The following GNA15 variants were observed in gnomAD, a reference collection of about 807,000 sequenced individuals.
GNA15 encodes the protein G protein subunit alpha 15.
A neutral mutation model predicts 40.1 loss-of-function variants in GNA15; 23 were observed. The ratio of observed to expected loss-of-function variants is 0.57; its 90% confidence interval spans 0.41 to 0.81. GNA15 has a LOEUF of 0.81. Ranked by LOEUF, GNA15 falls within the 40% of genes least tolerant of loss-of-function variation. The pLI is 0.00. For missense variants in GNA15, 522 were observed against 515.8 expected, an observed-to-expected ratio of 1.01 and a Z score of -0.12; for synonymous variants, 226 against 210.4, an observed-to-expected ratio of 1.07 and a Z score of -0.64.
chr19:3,162,742 C>A, intron 6 of GNA15, 51 bp from the exon 7 acceptor site: 4 of 1,297,430 alleles, frequency 3.1e-6, no homozygotes, highest in Non-Finnish European at 3.3e-6. Context: ...CAGAGGCCCC[C>A]TGGGTCCAAA....
chr19:3,151,291 G>A lies in GNA15; in HGVS notation c.486-416G>A, dbSNP rs1914876480. Among the ~76,000 whole-genome samples, 1 of 152,012 alleles carries A rather than the reference G, an allele frequency of 6.6e-6. No individual in the cohort carries two copies. Among genetic ancestry groups the A allele is most frequent in the African/African-American group, 2.4e-5 (1 of 41,372 alleles). On this transcript the variant is annotated intron_variant, in intron 3 of 6. Transcript: ENST00000262958. The surrounding 1 kb of genome is among the most constrained non-coding windows in gnomAD (Gnocchi z 5.0). ...TGTTTTAGGGGGGACTCTGTTCCAG[G>A]GGAGACCCTGTTCTGGGGGTGACCC...
chr19:3,138,797 A>C (rs868273677), intron 1 of GNA15, among the ~76,000 whole-genome samples: 5 of 141,004 alleles, frequency 3.5e-5, no homozygotes, highest in African/African-American at 1.3e-4. Flanking sequence ...CGCCCAGTTA[A>C]TTTTTTTTTT....
At chr19:3,152,480 C>A (rs1434117895) in intron 4 of GNA15, among the ~76,000 whole-genome samples, 1 of 151,956 alleles carries the variant, frequency 6.6e-6, no homozygotes, top group African/African-American at 2.4e-5. Flanking sequence ...GTGATGGAGT[C>A]CTTTGGGACA....
rs539106257 is a variant in GNA15, at chr19:3,162,732, C to T, written c.899-61C>T. ...TGCTGGTTACAGGGAAGAGGGTCTC[C>T]AGAGGCCCCCTGGGTCCAAAGAGGG... On this transcript the variant is annotated intron_variant, in intron 6 of 6. Coordinates refer to ENST00000262958, the MANE Select transcript of GNA15 (RefSeq NM_002068.4). 119 of 1,140,704 alleles carry T rather than the reference C, an allele frequency of 1.0e-4. 2 individuals carry two copies. In the South Asian group the frequency reaches 1.4e-3, roughly 14 times the overall value. The allele number at this position is 1,140,704 out of a possible 1,614,324, so 70.7% of individuals were successfully genotyped here. A position where few individuals can be genotyped will look rare whatever the true frequency, so the allele number is the denominator to read the frequency against.
rs1004481990 is a variant in GNA15 at position 3,163,116 on chromosome 19, C to T, written c.*97C>T. ...TGTCCCTGGTCTATCTCTCCAGCCT[C>T]GGCCCACACGCAAGGGAGTCGGGGG... On this transcript the variant is annotated 3_prime_UTR_variant, in exon 7 of 7. Transcript: ENST00000262958. 6.1e-5 allele frequency: 47 copies of T among 766,836 alleles called. No homozygotes were observed. In the Admixed American group the frequency reaches 9.8e-4, roughly 16 times the overall value. The allele number at this position is 766,836 out of a possible 1,614,324, so 47.5% of individuals were successfully genotyped here.
chr19:3,144,158 C>CGTGGTGAGGCTCAGGACAG (rs1445823827), intron 1 of GNA15, among the ~76,000 whole-genome samples: 7 of 151,224 alleles, frequency 4.6e-5, no homozygotes, highest in African/African-American at 1.7e-4. Flanking sequence ...GTCCCCCTCT[C>CGTGGTGAGGCTCAGGACAG]GTGGTGAGGC....
intron 6 of GNA15, among the ~76,000 whole-genome samples, chr19:3,158,211 G>A (rs183883720): frequency 3.9e-5 from 6 of 152,218 alleles, no homozygotes; most frequent in Non-Finnish European, 7.4e-5. Flanking sequence ...GTGCAGTGGC[G>A]TGATCTCGGC....
At position 3,151,998 on chromosome 19, in the gene GNA15, C is replaced by G. The variant is rs1302361986; in HGVS notation, c.614+163C>G. On this transcript the variant is annotated intron_variant, in intron 4 of 6. Coordinates refer to ENST00000262958, the MANE Select transcript of GNA15 (RefSeq NM_002068.4). The surrounding 1 kb of genome is among the most constrained non-coding windows in gnomAD (Gnocchi z 5.0). ...AGCTCCATGTAGACACCTCCAGGCC[C>G]CCAGGTAGTCAGGACTGGGACCTGT... is the stretch of plus-strand genomic sequence containing the variant. Among the ~76,000 whole-genome samples, 1 of 152,148 alleles carries G rather than the reference C, an allele frequency of 6.6e-6. No individual in the cohort carries two copies. Among genetic ancestry groups the G allele is most frequent in the East Asian group, 1.9e-4 (1 of 5,186 alleles).
intron 1 of GNA15, among the ~76,000 whole-genome samples, chr19:3,138,945 T>C (rs1377499236): frequency 7.3e-6 from 1 of 136,544 alleles, no homozygotes; most frequent in East Asian, 2.3e-4. Flanking sequence ...GCCTCTTTTT[T>C]TTTTTTTTTC....
At chr19:3,143,905 G>A (rs940491472) in intron 1 of GNA15, among the ~76,000 whole-genome samples, 5 of 151,860 alleles carry the variant, frequency 3.3e-5, no homozygotes, top group Admixed American at 6.6e-5. Flanking sequence ...TGGATCACAA[G>A]GTCAGGAGAT....
intron 5 of GNA15, among the ~76,000 whole-genome samples, chr19:3,156,669 T>G (rs1225355014): frequency 6.6e-6 from 1 of 152,010 alleles, no homozygotes; most frequent in African/African-American, 2.4e-5. Flanking sequence ...ATTTTTTTTT[T>G]GTATTCTTAG....
At position 3,157,749 on chromosome 19, in the gene GNA15, G is replaced by T; in HGVS notation, c.766G>T (p.Ala256Ser). 6.2e-7 allele frequency: 1 copy of T among 1,613,994 alleles called. No individual in the cohort carries two copies. Among genetic ancestry groups the T allele is most frequent in the Non-Finnish European group, 8.5e-7 (1 of 1,179,884 alleles). Reference sequence around the variant, plus strand: ...ACAGAACCGCATGAAGGAGAGCCTCGCATTGTTTGGGACTATCCTGGAACT... The same window carrying T: ...ACAGAACCGCATGAAGGAGAGCCTCTCATTGTTTGGGACTATCCTGGAACT... ...NQENRMKESL[A>S]LFGTILELPW... Residue 256 changes from alanine to serine, a missense_variant, in exon 6 of 7, where the codon GCA (alanine) becomes TCA (serine). By Grantham distance (99) the Ala-to-Ser change is moderately conservative. Coordinates refer to ENST00000262958, the MANE Select transcript of GNA15 (RefSeq NM_002068.4).
intron 4 of GNA15, among the ~76,000 whole-genome samples, chr19:3,153,161 C>T (rs754513649): frequency 4.0e-5 from 6 of 151,402 alleles, no homozygotes; most frequent in Admixed American, 2.6e-4. Flanking sequence ...TCAGCGAGAC[C>T]GAGAACCCAC....
intron 6 of GNA15, among the ~76,000 whole-genome samples, chr19:3,160,452 G>C: frequency 6.6e-6 from 1 of 152,190 alleles, no homozygotes. Context: ...GGTGGAAGCT[G>C]CTTCTCATGA....
intron 2 of GNA15, chr19:3,149,020 CAT>C: frequency 2.0e-6 from 1 of 494,630 alleles, no homozygotes; most frequent in East Asian, 3.3e-5. Context: ...CACGCACAGA[CAT>C]GCACACAAGG....
At chr19:3,137,544 G>A (rs1288330203) in intron 1 of GNA15, among the ~76,000 whole-genome samples, 2 of 152,142 alleles carry the variant, frequency 1.3e-5, no homozygotes, top group Non-Finnish European at 2.9e-5. Flanking sequence ...AGCACTTTGG[G>A]AGGCCGAGGT....
intron 6 of GNA15, 76 bp downstream of exon 6, chr19:3,157,957 A>G: frequency 8.3e-7 from 1 of 1,206,676 alleles, no homozygotes; most frequent in South Asian, 1.3e-5. Context: ...TCCAGACTCT[A>G]CTTCAGCCTG....
chr19:3,158,461 A>G (rs1186984951), intron 6 of GNA15, among the ~76,000 whole-genome samples: 1 of 151,448 alleles, frequency 6.6e-6, no homozygotes, highest in Non-Finnish European at 1.5e-5. Flanking sequence ...CAAACATTTT[A>G]TTTTATGCTT....
At chr19:3,159,526 GT>G (rs1443100256) in intron 6 of GNA15, among the ~76,000 whole-genome samples, 2 of 151,476 alleles carry the variant, frequency 1.3e-5, no homozygotes, top group African/African-American at 4.9e-5. Context: ...TGTGTTTTTA[GT>G]AGAGACGGGG....
Sources: gnomAD v4.1 joint callset for allele counts (sites outside exome capture counted in the v4.1 genomes callset) on GRCh38, gnomAD v4.1.1 for gene constraint, Gnocchi (gnomAD v3.1) non-coding constraint, MANE v1.5 for transcripts, NCBI Gene and HGNC (gene_info 2026-07-23, HGNC 2026-07-21) for gene names.